Variants in DNAH6 observed in about 807,000 individuals in gnomAD.
DNAH6 encodes the protein dynein axonemal heavy chain 6.
A neutral mutation model predicts 491.4 loss-of-function variants in DNAH6; 340 were observed. That is an observed-to-expected ratio of 0.69 (90% CI 0.63 to 0.76). The LOEUF is 0.76. Ranked by LOEUF, DNAH6 falls within the 30% of genes least tolerant of loss-of-function variation. The pLI is 0.00. For synonymous variants in DNAH6, 1,603 were observed against 1,686.1 expected, an observed-to-expected ratio of 0.95 and a Z score of 1.21; for missense variants, 4,443 against 4,972.2, an observed-to-expected ratio of 0.89 and a Z score of 3.20.
intron 22 of DNAH6, 100 bp downstream of exon 22, chr2:84,611,954 T>C (rs2104343199): frequency 9.6e-7 from 1 of 1,043,792 alleles, no homozygotes; most frequent in Middle Eastern, 2.2e-4. Context: ...TCTAATAACA[T>C]ATGGTCCATT....
intron 23 of DNAH6, among the ~76,000 whole-genome samples, chr2:84,618,642 A>G (rs762126167): frequency 2.0e-5 from 3 of 152,178 alleles, no homozygotes; most frequent in Admixed American, 2.0e-4. Flanking sequence ...TCACTGTCTT[A>G]AATGTTAATA....
chr2:84,816,047 A>G lies in DNAH6; in HGVS notation c.12337A>G (p.Lys4113Glu). Residue 4113 changes from lysine (K) to glutamate (E), a missense_variant, in exon 76 of 77, where the codon AAA (lysine) becomes GAA (glutamate). Physicochemically the swap from Lys to Glu is moderately conservative, Grantham distance 56. Coordinates refer to ENST00000389394, the MANE Select transcript of DNAH6 (RefSeq NM_001370.2). ...SPTLYHCPLY[K>E]TGARAGTLST... ...AACACTTTACCACTGCCCACTTTAT[A>G]AAACAGGAGCCCGGGCAGGAACACT... 1 of 1,551,698 alleles carries G rather than the reference A, an allele frequency of 6.4e-7. No homozygotes were observed. The highest frequency in any genetic ancestry group is 8.7e-7 in the Non-Finnish European group (1 of 1,146,974).
At chr2:84,800,719 T>C (rs1678805405) in intron 70 of DNAH6, among the ~76,000 whole-genome samples, 1 of 152,146 alleles carries the variant, frequency 6.6e-6, no homozygotes, top group Non-Finnish European at 1.5e-5. Flanking sequence ...AAAGAGAATT[T>C]TTTAAAAAAT....
chr2:84,548,278 T>A lies in DNAH6; in HGVS notation c.1187-10T>A, dbSNP rs1678988396. The A allele has an allele frequency of 6.2e-7, 1 of 1,604,636 alleles. No individual in the cohort carries two copies. The highest frequency in any genetic ancestry group is 1.3e-5 in the African/African-American group (1 of 74,426). ...AGTACACTTGTTGTTGTTCCTTCTG[T>A]TATTCTTAGATTATCATAAAGTGCA... On this transcript the variant is annotated splice_polypyrimidine_tract_variant and intron_variant, in intron 7 of 76. Coordinates refer to ENST00000389394, the MANE Select transcript of DNAH6 (RefSeq NM_001370.2).
intron 42 of DNAH6, among the ~76,000 whole-genome samples, chr2:84,683,659 G>A (rs1213281684): frequency 6.6e-6 from 1 of 151,998 alleles, no homozygotes; most frequent in African/African-American, 2.4e-5. Context: ...CTGACCTCAG[G>A]TGATCCACCT....
intron 19 of DNAH6, 74 bp from the exon 20 acceptor site, chr2:84,605,426 T>C: frequency 7.9e-6 from 8 of 1,016,690 alleles, no homozygotes; most frequent in Non-Finnish European, 1.2e-5. Flanking sequence ...TTTTATTTAT[T>C]TCATTTCACG....
chr2:84,665,835 T>C (rs1209242610), intron 37 of DNAH6, among the ~76,000 whole-genome samples: 1 of 152,116 alleles, frequency 6.6e-6, no homozygotes, highest in Non-Finnish European at 1.5e-5. Context: ...TGATGAACAC[T>C]GATGCAAAAA....
intron 2 of DNAH6, among the ~76,000 whole-genome samples, chr2:84,524,885 T>C (rs1275933113): frequency 6.6e-6 from 1 of 152,106 alleles, no homozygotes; most frequent in Non-Finnish European, 1.5e-5. Context: ...GCTAGCCTTT[T>C]CCTTTCTTCA....
chr2:84,471,597 G>A, the DNAH6 span, among the ~76,000 whole-genome samples: 3 of 152,218 alleles, frequency 2.0e-5, no homozygotes, highest in South Asian at 2.1e-4. Flanking sequence ...TTCCATCCTC[G>A]CATTCAGATT....
intron 49 of DNAH6, 21 bp from the exon 50 acceptor site, chr2:84,703,374 T>C (rs1696115676): frequency 1.4e-6 from 2 of 1,479,010 alleles, no homozygotes; most frequent in Admixed American, 2.4e-5. Flanking sequence ...CATTATAATA[T>C]AAATTTTCAT....
chr2:84,536,121 A>G (rs1489327562), intron 4 of DNAH6, among the ~76,000 whole-genome samples: 1 of 152,066 alleles, frequency 6.6e-6, no homozygotes, highest in Non-Finnish European at 1.5e-5. Context: ...CCACATAACC[A>G]TTTGTTTTTA....
intron 21 of DNAH6, among the ~76,000 whole-genome samples, chr2:84,607,716 A>AT (rs1470562327): frequency 1.3e-5 from 2 of 152,168 alleles, no homozygotes; most frequent in Admixed American, 1.3e-4. Context: ...ATTGCTAAAA[A>AT]TTGCTAACTA....
chr2:84,749,095 A>G (rs1189962638), intron 63 of DNAH6, among the ~76,000 whole-genome samples: 2 of 152,218 alleles, frequency 1.3e-5, no homozygotes, highest in African/African-American at 4.8e-5. Context: ...ATCCACCTCC[A>G]TGACCCAAAC....
At chr2:84,646,957 C>T (rs1166057983) in intron 33 of DNAH6, among the ~76,000 whole-genome samples, 5 of 152,170 alleles carry the variant, frequency 3.3e-5, no homozygotes, top group Non-Finnish European at 7.3e-5. Flanking sequence ...AAGCAATTCT[C>T]CTGCCTCAGC....
At chr2:84,663,396 C>G (rs1019827999) in intron 37 of DNAH6, among the ~76,000 whole-genome samples, 1 of 152,114 alleles carries the variant, frequency 6.6e-6, no homozygotes, top group Non-Finnish European at 1.5e-5. Context: ...ATGAAGAAGA[C>G]CTTAAATGAC....
intron 72 of DNAH6, among the ~76,000 whole-genome samples, chr2:84,810,316 C>G (rs1475527798): frequency 6.6e-6 from 1 of 152,212 alleles, no homozygotes; most frequent in Non-Finnish European, 1.5e-5. Context: ...CATACTAAAT[C>G]TTCCGTGAAT....
chr2:84,728,031 A>G (rs762617776), intron 61 of DNAH6, 129 bp downstream of exon 61: 37 of 645,186 alleles, frequency 5.7e-5, no homozygotes, highest in Non-Finnish European at 9.5e-5. Context: ...TTACTGAATC[A>G]CGGGGGCAGT....
chr2:84,579,788 T>C (rs1682828649), intron 14 of DNAH6, 109 bp downstream of exon 14: 5 of 909,362 alleles, frequency 5.5e-6, no homozygotes, highest in Admixed American at 3.3e-5. Flanking sequence ...CTGTCAAATA[T>C]CAGAAACACT....
intron 69 of DNAH6, 126 bp downstream of exon 69, chr2:84,796,551 C>G: frequency 2.8e-6 from 2 of 717,092 alleles, no homozygotes; most frequent in Non-Finnish European, 4.2e-6. Flanking sequence ...ACACCCTATC[C>G]CCATGCTTGG....
Sources: gnomAD v4.1 joint callset for allele counts (sites outside exome capture counted in the v4.1 genomes callset) on GRCh38, gnomAD v4.1.1 for gene constraint, MANE v1.5 for transcripts, NCBI Gene and HGNC (gene_info 2026-07-23, HGNC 2026-07-21) for gene names.